Variants in SPHKAP observed in about 807,000 individuals in gnomAD.
SPHKAP encodes A-kinase anchor protein SPHKAP.
A neutral mutation model predicts 137.5 loss-of-function variants in SPHKAP; 67 were observed. The ratio of observed to expected loss-of-function variants is 0.49; its 90% CI spans 0.40 to 0.60. The LOEUF is 0.60. Ranked by LOEUF, SPHKAP falls within the 20% of genes least tolerant of loss-of-function variation. The probability of loss-of-function intolerance (pLI) is 0.00; values close to 1 mark genes in which losing one functional copy is unlikely to be tolerated. For missense variants in SPHKAP, 2,097 were observed against 2,069.3 expected (o/e 1.01, Z -0.26); for synonymous variants, 813 against 785.3 (o/e 1.04, Z -0.59).
At chr2:228,043,321 C>G (rs1574792445) in intron 3 of SPHKAP, among the ~76,000 whole-genome samples, 1 of 152,098 alleles carries the variant, frequency 6.6e-6, no homozygotes, top group East Asian at 1.9e-4. Flanking sequence ...GTTGAGGATG[C>G]ACTTTTTCGT....
intron 2 of SPHKAP, among the ~76,000 whole-genome samples, chr2:228,126,556 A>G (rs2106369103): frequency 6.6e-6 from 1 of 152,306 alleles, no homozygotes; most frequent in East Asian, 1.9e-4. Context: ...GAGAAAAGAT[A>G]ATTCCGAAGC....
rs115616953 is a variant in SPHKAP, at chr2:228,118,936, A to G, written c.139-9997T>C. Among the ~76,000 whole-genome samples, 1,183 of 152,320 alleles carry G rather than the reference A, an allele frequency of 7.8e-3. 13 individuals are homozygous for G. Among genetic ancestry groups the G allele is most frequent in the African/African-American group, 0.027 (1,104 of 41,582 alleles). Reference sequence around the variant, plus strand: ...AGGAGGACACGTCATAATCACATAAATTATAAATAAGCATATATGTCAGAT... The same window carrying G: ...AGGAGGACACGTCATAATCACATAAGTTATAAATAAGCATATATGTCAGAT... On this transcript the variant is annotated intron_variant, in intron 2 of 11. Transcript: ENST00000392056.
At chr2:228,131,956 G>T (rs4585022) in intron 2 of SPHKAP, 24 bp downstream of exon 2, 5 of 1,607,500 alleles carry the variant, frequency 3.1e-6, no homozygotes. Context: ...CTGACAAGAA[G>T]AAAGTGGCGT....
rs1409957194 is a variant in SPHKAP, at chr2:228,019,406, A to G, written c.1448T>C (p.Leu483Pro). 1 of 1,613,984 alleles carries G rather than the reference A, an allele frequency of 6.2e-7. No individual in the cohort carries two copies. Among genetic ancestry groups the G allele is most frequent in the Non-Finnish European group, 8.5e-7 (1 of 1,180,032 alleles). ...TTGTCTGCTGGAGTTCTCTCCAGAG[A>G]GGATGCTTGAGGTTTCAACAGAGAC... ...MEVSVETSSI[L>P]SGENSSRQPQ... The change falls in exon 7 of 12, where the codon CTC becomes CCC. Residue 483 changes from leucine (L) to proline (P), a missense_variant. Leu to Pro is a moderately conservative substitution (Grantham distance 98, BLOSUM62 -3). Coordinates refer to ENST00000392056, the MANE Select transcript of SPHKAP (RefSeq NM_001142644.2).
At chr2:228,004,402 G>A (rs1694044088) in intron 7 of SPHKAP, among the ~76,000 whole-genome samples, 1 of 152,116 alleles carries the variant, frequency 6.6e-6, no homozygotes, top group Non-Finnish European at 1.5e-5. Context: ...GGGATGGGTG[G>A]TGATATCCCC....
At chr2:228,114,238 A>C (rs1369667082) in intron 2 of SPHKAP, among the ~76,000 whole-genome samples, 2 of 152,154 alleles carry the variant, frequency 1.3e-5, no homozygotes, top group Non-Finnish European at 2.9e-5. Flanking sequence ...TCATGAGTTC[A>C]GCAAATAAGG....
chr2:228,099,157 A>G (rs139793798), intron 3 of SPHKAP, among the ~76,000 whole-genome samples: 24 of 152,276 alleles, frequency 1.6e-4, no homozygotes, highest in African/African-American at 5.5e-4. Context: ...GGATGTTTAT[A>G]TTTTTAGGTC....
rs146520315 is a variant in SPHKAP, at chr2:228,018,447, C to T, written c.2407G>A (p.Gly803Ser). The T allele has an allele frequency of 7.4e-5, 119 of 1,614,052 alleles. No individual in the cohort carries two copies. The African/African-American group carries it at 1.3e-3, about 18-fold the overall frequency. ...SKQDKGGVRP[G>S]LFKNPTLQSQ... ...TGCAGCGTGGGGTTCTTGAAGAGGC[C>T]TGGCCTCACTCCACCCTTGTCTTGT... Residue 803 changes from glycine (G) to serine (S), a missense_variant, in exon 7 of 12, where the codon GGC (glycine) becomes AGC (serine). By Grantham distance (56) the Gly-to-Ser change is moderately conservative. Transcript: ENST00000392056.
intron 5 of SPHKAP, among the ~76,000 whole-genome samples, chr2:228,022,854 TCTA>T (rs1694892318): frequency 1.3e-5 from 2 of 152,206 alleles, no homozygotes; most frequent in African/African-American, 4.8e-5. Flanking sequence ...CAGTAAAACC[TCTA>T]CTACTAGTAC....
intron 3 of SPHKAP, among the ~76,000 whole-genome samples, chr2:228,081,030 C>T (rs1329312223): frequency 6.6e-6 from 1 of 152,116 alleles, no homozygotes; most frequent in Admixed American, 6.6e-5. Context: ...AAACTCAGAA[C>T]CCTATTTCAC....
At chr2:228,030,946 A>C (rs1184913630) in intron 3 of SPHKAP, among the ~76,000 whole-genome samples, 1 of 152,196 alleles carries the variant, frequency 6.6e-6, no homozygotes, top group Non-Finnish European at 1.5e-5. Context: ...TACAGCTCCC[A>C]GTGTGAGCGA....
intron 3 of SPHKAP, among the ~76,000 whole-genome samples, chr2:228,045,791 T>C (rs1185471379): frequency 6.6e-6 from 1 of 152,062 alleles, no homozygotes; most frequent in Non-Finnish European, 1.5e-5. Context: ...GAGGACATTA[T>C]GCTAGATGAA....
intron 1 of SPHKAP, among the ~76,000 whole-genome samples, chr2:228,138,193 C>T (rs1344662932): frequency 6.6e-6 from 1 of 152,106 alleles, no homozygotes; most frequent in Non-Finnish European, 1.5e-5. Context: ...GTAAGCACCC[C>T]GTTAGGACAG....
chr2:228,160,642 A>G (rs150965037), intron 1 of SPHKAP, among the ~76,000 whole-genome samples: 87 of 152,306 alleles, frequency 5.7e-4, no homozygotes, highest in African/African-American at 2.0e-3. Context: ...GGATTATGAG[A>G]ATTACAATTC....
At chr2:228,124,277 A>G (rs1042593907) in intron 2 of SPHKAP, among the ~76,000 whole-genome samples, 1 of 151,958 alleles carries the variant, frequency 6.6e-6, no homozygotes, top group African/African-American at 2.4e-5. Context: ...ATAAGGACAC[A>G]TGCACACATA....
At chr2:227,994,549 G>A (rs189209773) in intron 8 of SPHKAP, among the ~76,000 whole-genome samples, 3 of 152,184 alleles carry the variant, frequency 2.0e-5, no homozygotes, top group Admixed American at 1.3e-4. Flanking sequence ...AGAGTAGATG[G>A]TACTCTAAAA....
intron 3 of SPHKAP, among the ~76,000 whole-genome samples, chr2:228,064,667 G>C (rs1696767830): frequency 6.6e-6 from 1 of 152,162 alleles, no homozygotes; most frequent in South Asian, 2.1e-4. Context: ...ACATCTTGAT[G>C]GGAAAGAGTA....
At chr2:228,055,680 T>A (rs772662077) in intron 3 of SPHKAP, among the ~76,000 whole-genome samples, 1 of 152,218 alleles carries the variant, frequency 6.6e-6, no homozygotes, top group Non-Finnish European at 1.5e-5. Context: ...AGAGTGCTAT[T>A]GCATACTGAT....
intron 3 of SPHKAP, among the ~76,000 whole-genome samples, chr2:228,029,580 A>T (rs1223174626): frequency 6.6e-6 from 1 of 152,182 alleles, no homozygotes; most frequent in Non-Finnish European, 1.5e-5. Flanking sequence ...CCCATTCAGA[A>T]GTTCTTTTTG....
Sources: allele counts gnomAD v4.1 joint callset (sites outside exome capture counted in the v4.1 genomes callset), GRCh38; gene constraint gnomAD v4.1.1; transcripts MANE v1.5; gene names NCBI Gene and HGNC (gene_info 2026-07-23, HGNC 2026-07-21).